SLC25A48: variants seen among roughly 807,000 people sequenced by gnomAD.
SLC25A48 encodes the protein CTC-321K16.1.
Under a neutral mutation model 32.2 loss-of-function variants are expected in SLC25A48, and 29 were observed. The ratio of observed to expected loss-of-function variants is 0.90; its 90% confidence interval spans 0.67 to 1.23. The LOEUF is 1.23. SLC25A48 is among the 50% of genes most tolerant of loss of function. The pLI is 0.00. For synonymous variants in SLC25A48, 164 were observed against 172.3 expected, an observed-to-expected ratio of 0.95 and a Z score of 0.38; for missense variants, 399 against 422.7, an observed-to-expected ratio of 0.94 and a Z score of 0.49.
At chr5:135,625,444 G>A (rs368071956) in intron 1 of SLC25A48, among the ~76,000 whole-genome samples, 1 of 152,240 alleles carries the variant, frequency 6.6e-6, no homozygotes, top group East Asian at 1.9e-4. Context: ...AGGTGAACTT[G>A]TTTCTAGAGC....
chr5:135,636,899 C>A (rs1422222322), intron 3 of SLC25A48, among the ~76,000 whole-genome samples: 1 of 152,162 alleles, frequency 6.6e-6, no homozygotes, highest in African/African-American at 2.4e-5. Context: ...CTGCTTCCCA[C>A]GGGACTCAGG....
At chr5:135,700,938 G>A (rs1370808256) in intron 3 of SLC25A48, among the ~76,000 whole-genome samples, 2 of 152,204 alleles carry the variant, frequency 1.3e-5, no homozygotes, top group African/African-American at 2.4e-5. Flanking sequence ...AAATCGCAGA[G>A]GGCCTGGGAC....
intron 3 of SLC25A48, among the ~76,000 whole-genome samples, chr5:135,733,434 T>C (rs1445556924): frequency 1.3e-5 from 2 of 152,050 alleles, no homozygotes; most frequent in Admixed American, 6.6e-5. Context: ...ACAATGGTAA[T>C]TGTGGGAGAT....
rs147005349 is a variant in SLC25A48 at position 135,886,588 on chromosome 5, A to AATATAT, written c.*8-1400_*8-1395dup. On this transcript the variant is annotated intron_variant, in intron 7 of 7. Transcript: ENST00000681962. ...AACACATTATGGTTCTATTTAACCA[A>AATATAT]ATATATATATATATATATATATATA... Among the ~76,000 whole-genome samples the AATATAT allele has an allele frequency of 5.0e-3, 177 of 35,254 alleles. 2 individuals carry two copies. The highest frequency in any genetic ancestry group is 5.7e-3 in the African/African-American group (32 of 5,636). 23.1% of individuals were successfully genotyped at this position (35,254 alleles called of 152,430 possible).
chr5:135,790,177 G>T (rs1305640958), intron 3 of SLC25A48, among the ~76,000 whole-genome samples: 2 of 151,542 alleles, frequency 1.3e-5, no homozygotes, highest in Non-Finnish European at 2.9e-5. Context: ...TTCTCAATAT[G>T]ATATTATTCA....
At chr5:135,674,563 T>A (rs1753725839) in intron 3 of SLC25A48, among the ~76,000 whole-genome samples, 1 of 140,500 alleles carries the variant, frequency 7.1e-6, no homozygotes, top group South Asian at 2.1e-4. Flanking sequence ...TTTTTTTCTG[T>A]GTCTTTTTTT....
upstream of SLC25A48, among the ~76,000 whole-genome samples, chr5:135,829,928 G>A (rs1479409011): frequency 6.6e-6 from 1 of 152,020 alleles, no homozygotes; most frequent in Non-Finnish European, 1.5e-5. Context: ...TGGTGTAAAC[G>A]GAGCATGCAG....
At chr5:135,695,895 G>A (rs1387124015) in intron 3 of SLC25A48, among the ~76,000 whole-genome samples, 1 of 152,198 alleles carries the variant, frequency 6.6e-6, no homozygotes, top group Non-Finnish European at 1.5e-5. Flanking sequence ...GAGAGAAAAT[G>A]CAAAAGTCTC....
At chr5:135,861,529 A>G (rs904111852) in intron 4 of SLC25A48, among the ~76,000 whole-genome samples, 5 of 152,258 alleles carry the variant, frequency 3.3e-5, no homozygotes, top group African/African-American at 1.2e-4. Flanking sequence ...AATGAAATGT[A>G]TTATACATGA....
intron 3 of SLC25A48, among the ~76,000 whole-genome samples, chr5:135,645,430 G>T (rs1580749593): frequency 6.6e-6 from 1 of 152,198 alleles, no homozygotes; most frequent in East Asian, 1.9e-4. Flanking sequence ...ACTAGAAAGT[G>T]GTTAAAACCT....
intron 1 of SLC25A48, among the ~76,000 whole-genome samples, chr5:135,583,052 T>C (rs1254519921): frequency 6.6e-6 from 1 of 152,198 alleles, no homozygotes; most frequent in Non-Finnish European, 1.5e-5. Flanking sequence ...GTGATTGGCA[T>C]GTAGCAGGGG....
chr5:135,815,541 A>G (rs1298134668), intron 4 of SLC25A48, among the ~76,000 whole-genome samples: 1 of 152,174 alleles, frequency 6.6e-6, no homozygotes, highest in Non-Finnish European at 1.5e-5. Flanking sequence ...ACCACACAGA[A>G]AGGCCTGAGG....
intron 3 of SLC25A48, among the ~76,000 whole-genome samples, chr5:135,728,965 T>A (rs1307930809): frequency 6.6e-6 from 1 of 152,132 alleles, no homozygotes; most frequent in African/African-American, 2.4e-5. Flanking sequence ...GTTGTTAACA[T>A]CTTCTTTGAG....
chr5:135,603,468 G>A (rs1234551406), intron 1 of SLC25A48, among the ~76,000 whole-genome samples: 1 of 152,252 alleles, frequency 6.6e-6, no homozygotes, highest in Non-Finnish European at 1.5e-5. Flanking sequence ...CAGCCTGAGG[G>A]CTGAGTAGAA....
intron 3 of SLC25A48, among the ~76,000 whole-genome samples, chr5:135,683,067 T>A (rs1753934863): frequency 6.6e-6 from 1 of 152,216 alleles, no homozygotes; most frequent in African/African-American, 2.4e-5. Context: ...TGGACCAGAA[T>A]AACTCTCCAC....
intron 3 of SLC25A48, among the ~76,000 whole-genome samples, chr5:135,642,994 G>T (rs1261551331): frequency 6.6e-6 from 1 of 152,212 alleles, no homozygotes; most frequent in Non-Finnish European, 1.5e-5. Flanking sequence ...GCCAGTGGGA[G>T]CCAGGGCGGC....
At chr5:135,859,236 G>A (rs1760583304) in intron 4 of SLC25A48, among the ~76,000 whole-genome samples, 1 of 152,122 alleles carries the variant, frequency 6.6e-6, no homozygotes. Flanking sequence ...GGCTGGGGAG[G>A]CCTCACAAGC....
At chr5:135,741,033 A>G (rs1755490592) in intron 3 of SLC25A48, among the ~76,000 whole-genome samples, 1 of 152,230 alleles carries the variant, frequency 6.6e-6, no homozygotes, top group Non-Finnish European at 1.5e-5. Context: ...CATCACAGAT[A>G]TTTACTGAAC....
At chr5:135,764,666 C>T (rs1330921419) in intron 3 of SLC25A48, among the ~76,000 whole-genome samples, 1 of 148,320 alleles carries the variant, frequency 6.7e-6, no homozygotes, top group Non-Finnish European at 1.5e-5. Flanking sequence ...TCCCATATCG[C>T]AGAGGGTGTA....
Sources: gnomAD v4.1 joint callset for allele counts (sites outside exome capture counted in the v4.1 genomes callset) on GRCh38, gnomAD v4.1.1 for gene constraint, MANE v1.5 for transcripts, NCBI Gene and HGNC (gene_info 2026-07-23, HGNC 2026-07-21) for gene names.